THEMIS: variants seen among roughly 807,000 people sequenced by gnomAD.
THEMIS encodes the protein thymocyte selection associated.
Under a neutral mutation model 52.6 loss-of-function variants are expected in THEMIS, and 37 were observed. The observed-to-expected ratio is 0.70, with a 90% CI of 0.54 to 0.93. The LOEUF (loss-of-function observed/expected upper bound fraction) is 0.93, where lower values mean the gene tolerates loss of function less well. Ranked by LOEUF, THEMIS falls within the 40% of genes least tolerant of loss-of-function variation. THEMIS has a pLI of 0.00. For synonymous variants in THEMIS, 292 were observed against 272.7 expected (o/e 1.07, Z -0.70); for missense variants, 808 against 763.1 (o/e 1.06, Z -0.69).
At chr6:127,767,376 G>T (rs1776237135) in intron 4 of THEMIS, among the ~76,000 whole-genome samples, 1 of 152,122 alleles carries the variant, frequency 6.6e-6, no homozygotes, top group Non-Finnish European at 1.5e-5. Flanking sequence ...ACAGACGTGA[G>T]CCACCACACC....
chr6:127,821,286 A>T (rs1419574782), intron 3 of THEMIS, among the ~76,000 whole-genome samples: 2 of 152,084 alleles, frequency 1.3e-5, no homozygotes, highest in African/African-American at 4.8e-5. Context: ...GCTAAATTAG[A>T]AAATGTCATT....
chr6:127,907,337 A>ATTTTTTTTTTGTTTTTTTTTT (rs1781298183), intron 1 of THEMIS, among the ~76,000 whole-genome samples: 1 of 49,448 alleles, frequency 2.0e-5, no homozygotes, highest in Non-Finnish European at 3.7e-5. Flanking sequence ...TTAGGCTCGG[A>ATTTTTTTTTTGTTTTTTTTTT]TTTTTTTTTT....
At chr6:127,746,771 T>C (rs534690283) in intron 4 of THEMIS, among the ~76,000 whole-genome samples, 1,227 of 66,660 alleles carry the variant, frequency 0.018, 36 homozygotes, top group Non-Finnish European at 0.027. Flanking sequence ...TATATAATTA[T>C]ATTATATATA....
intron 4 of THEMIS, among the ~76,000 whole-genome samples, chr6:127,765,163 T>C (rs1161958018): frequency 6.6e-6 from 1 of 152,130 alleles, no homozygotes; most frequent in Non-Finnish European, 1.5e-5. Flanking sequence ...TTAATGGTTC[T>C]AATAACACAA....
rs552833598 is a variant in THEMIS at position 127,738,137 on chromosome 6, T to C, written c.1759-18314A>G. 5.9e-4 allele frequency among the ~76,000 whole-genome samples: 90 copies of C among 152,282 alleles called. 1 individual carries two copies. The highest frequency in any genetic ancestry group is 1.5e-3 in the South Asian group (7 of 4,820). Reference sequence around the variant, plus strand: ...ATTCTCTCCCCTCACTCCCACTCAATAATATAGTATGCTGTAATTCTAGAG... The same window carrying C: ...ATTCTCTCCCCTCACTCCCACTCAACAATATAGTATGCTGTAATTCTAGAG... On this transcript the variant is annotated intron_variant, in intron 4 of 5. Coordinates refer to ENST00000368248, the MANE Select transcript of THEMIS (RefSeq NM_001010923.3).
At chr6:127,738,647 T>C (rs1473114928) in intron 4 of THEMIS, among the ~76,000 whole-genome samples, 2 of 152,192 alleles carry the variant, frequency 1.3e-5, no homozygotes, top group Non-Finnish European at 2.9e-5. Flanking sequence ...GCCCTGACTT[T>C]GCTTATTTTC....
At position 127,860,039 on chromosome 6, in the gene THEMIS, A is replaced by G. The variant is rs751778107; in HGVS notation, c.92-4851T>C. Among the ~76,000 whole-genome samples the G allele has an allele frequency of 1.1e-4, 16 of 152,246 alleles. No individual in the cohort carries two copies. In the Middle Eastern group the frequency reaches 0.014, roughly 129 times the overall value. On this transcript the variant is annotated intron_variant, in intron 1 of 5. Transcript: ENST00000368248. ...ACCTAGACATGGCAGTTGATGTGGC[A>G]TTGAGACCATTATGGTGATAAATTC... is the stretch of plus-strand genomic sequence containing the variant.
chr6:127,799,846 C>T (rs564506630), intron 4 of THEMIS, among the ~76,000 whole-genome samples: 52 of 152,140 alleles, frequency 3.4e-4, no homozygotes, highest in South Asian at 2.3e-3. Context: ...GTCATATTCC[C>T]GAAGAAGGAG....
At chr6:127,850,438 CAT>C (rs1779380924) in intron 2 of THEMIS, among the ~76,000 whole-genome samples, 1 of 151,822 alleles carries the variant, frequency 6.6e-6, no homozygotes, top group African/African-American at 2.4e-5. Context: ...CATGCATACA[CAT>C]GTTTATAACA....
chr6:127,829,943 A>G lies in THEMIS; in HGVS notation c.251-9T>C, dbSNP rs374094730. On this transcript the variant is annotated splice_polypyrimidine_tract_variant and intron_variant, in intron 2 of 5. Transcript: ENST00000368248. Reference sequence around the variant, plus strand: ...CACAATCTTAAAAAGACCTAAGAACAGAATTACGTGAATTAAAAAGAGAGT... The same window carrying G: ...CACAATCTTAAAAAGACCTAAGAACGGAATTACGTGAATTAAAAAGAGAGT... 7 of 1,577,810 alleles carry G rather than the reference A, an allele frequency of 4.4e-6. No individual in the cohort carries two copies. The African/African-American group carries it at 6.8e-5, about 15-fold the overall frequency.
At position 127,832,777 on chromosome 6, in the gene THEMIS, C is replaced by CTTTTTTTTTTTTT. The variant is rs11355741; in HGVS notation, c.251-2856_251-2844dup. ...CTATTTCCACCTAGGATTGTCAGAT[C>CTTTTTTTTTTTTT]TTTTTTTTTTTTTTTTTTTTTTTTG... On this transcript the variant is annotated intron_variant, in intron 2 of 5. Coordinates refer to ENST00000368248, the MANE Select transcript of THEMIS (RefSeq NM_001010923.3). Among the ~76,000 whole-genome samples, 238 of 57,800 alleles carry CTTTTTTTTTTTTT rather than the reference C, an allele frequency of 4.1e-3. 33 individuals carry two copies. The highest frequency in any genetic ancestry group is 4.7e-3 in the African/African-American group (62 of 13,094). The allele number at this position is 57,800 out of a possible 152,430, so 37.9% of individuals were successfully genotyped here. A position where few individuals can be genotyped will look rare whatever the true frequency, so the allele number is the denominator to read the frequency against.
At chr6:127,731,486 G>T (rs1583209437) in intron 4 of THEMIS, among the ~76,000 whole-genome samples, 1 of 150,512 alleles carries the variant, frequency 6.6e-6, no homozygotes, top group East Asian at 2.0e-4. Flanking sequence ...TTTATTTTGT[G>T]CTTACTAAGT....
chr6:127,703,033 G>A, the THEMIS span, among the ~76,000 whole-genome samples: 77 of 78,374 alleles, frequency 9.8e-4, no homozygotes, highest in African/African-American at 2.8e-3. Context: ...CCTTTAGAAT[G>A]AGTTTTTTTT....
At chr6:127,731,864 A>ATTTTTTGTTTTTTTTTTTTTTTTT (rs1774814011) in intron 4 of THEMIS, among the ~76,000 whole-genome samples, 1 of 41,704 alleles carries the variant, frequency 2.4e-5, no homozygotes, top group Non-Finnish European at 3.8e-5. Context: ...TGCCCGGCTA[A>ATTTTTTGTTTTTTTTTTTTTTTTT]TTTTTTTTTT....
chr6:127,766,125 T>C (rs1338285130), intron 4 of THEMIS, among the ~76,000 whole-genome samples: 1 of 152,164 alleles, frequency 6.6e-6, no homozygotes, highest in Non-Finnish European at 1.5e-5. Context: ...CGCTGTCTAA[T>C]ATTCTCTGTC....
At chr6:127,823,457 C>G (rs1219624344) in intron 3 of THEMIS, among the ~76,000 whole-genome samples, 1 of 152,120 alleles carries the variant, frequency 6.6e-6, no homozygotes, top group South Asian at 2.1e-4. Flanking sequence ...TAAAGAGGAG[C>G]TTTGTACTGT....
At chr6:127,785,265 A>G (rs1015886833) in intron 4 of THEMIS, among the ~76,000 whole-genome samples, 3 of 135,556 alleles carry the variant, frequency 2.2e-5, no homozygotes, top group Admixed American at 2.2e-4. Context: ...CTATCTATTT[A>G]TCACCTATCT....
chr6:127,737,752 A>G (rs1019500134), intron 4 of THEMIS, among the ~76,000 whole-genome samples: 4 of 152,196 alleles, frequency 2.6e-5, no homozygotes, highest in Non-Finnish European at 5.9e-5. Context: ...ACAACTGAGA[A>G]TTAATCAACT....
intron 5 of THEMIS, among the ~76,000 whole-genome samples, chr6:127,714,812 G>T (rs151162091): frequency 1.3e-5 from 2 of 151,934 alleles, no homozygotes; most frequent in East Asian, 3.9e-4. Flanking sequence ...AGAGTAAAAA[G>T]AAAAGAAAAA....
Sources: allele counts gnomAD v4.1 joint callset (sites outside exome capture counted in the v4.1 genomes callset), GRCh38; gene constraint gnomAD v4.1.1; transcripts MANE v1.5; gene names NCBI Gene and HGNC (gene_info 2026-07-23, HGNC 2026-07-21).